Variants in FOXP1 observed in about 807,000 individuals in gnomAD.
The protein encoded by FOXP1 is forkhead box P1.
A neutral mutation model predicts 98.2 loss-of-function variants in FOXP1; 15 were observed. That is an observed-to-expected ratio of 0.15 (90% CI 0.10 to 0.24). The LOEUF is 0.24. FOXP1 is among the 10% of genes least tolerant of loss of function. The pLI is 1.00. For missense variants in FOXP1, 633 were observed against 848.5 expected, an observed-to-expected ratio of 0.75 and a Z score of 3.15; for synonymous variants, 371 against 314.5, an observed-to-expected ratio of 1.18 and a Z score of -1.90.
At chr3:71,243,825 T>C (rs1033680911) in intron 5 of FOXP1, among the ~76,000 whole-genome samples, 2 of 152,204 alleles carry the variant, frequency 1.3e-5, no homozygotes, top group African/African-American at 4.8e-5. Context: ...CTTTACTCTT[T>C]CTATTGTATT....
intron 5 of FOXP1, among the ~76,000 whole-genome samples, chr3:71,271,166 G>A (rs112492357): frequency 0.067 from 10,247 of 152,206 alleles, 1,137 homozygotes; most frequent in African/African-American, 0.23. Flanking sequence ...GGAGGTGGAG[G>A]TTGCACTGAG....
intron 7 of FOXP1, among the ~76,000 whole-genome samples, chr3:71,073,685 T>G (rs75719836): frequency 0.013 from 1,984 of 152,344 alleles, 49 homozygotes; most frequent in African/African-American, 0.045. Flanking sequence ...TGTCAACTTC[T>G]AAATTAATGT....
chr3:71,414,585 T>C (rs1321878892), intron 3 of FOXP1, among the ~76,000 whole-genome samples: 4 of 152,222 alleles, frequency 2.6e-5, no homozygotes, highest in Non-Finnish European at 5.9e-5. Flanking sequence ...ATAAAGGGAA[T>C]TGCCTCTGCT....
At chr3:71,481,987 A>C (rs973398410) in intron 3 of FOXP1, among the ~76,000 whole-genome samples, 2 of 152,090 alleles carry the variant, frequency 1.3e-5, no homozygotes, top group Non-Finnish European at 2.9e-5. Context: ...AAAAGATTTA[A>C]ATCTCCAGCA....
At chr3:71,241,545 G>A (rs893515955) in intron 5 of FOXP1, among the ~76,000 whole-genome samples, 12 of 152,242 alleles carry the variant, frequency 7.9e-5, no homozygotes, top group East Asian at 3.9e-4. Flanking sequence ...ATCTTCTGTC[G>A]TGCATTATTG....
intron 17 of FOXP1, among the ~76,000 whole-genome samples, chr3:70,974,599 T>A (rs1393615840): frequency 1.3e-5 from 2 of 152,288 alleles, no homozygotes; most frequent in East Asian, 1.9e-4. Flanking sequence ...GGCTGCATTT[T>A]AAAAAAATAT....
At chr3:71,397,422 G>A (rs2081609155) in intron 3 of FOXP1, among the ~76,000 whole-genome samples, 1 of 152,154 alleles carries the variant, frequency 6.6e-6, no homozygotes. Context: ...GTGATATCCT[G>A]AATGTAGGTA....
intron 6 of FOXP1, among the ~76,000 whole-genome samples, chr3:71,146,318 T>G (rs1289643800): frequency 6.6e-6 from 1 of 152,200 alleles, no homozygotes; most frequent in East Asian, 1.9e-4. Flanking sequence ...TGCCCAAACA[T>G]GGACCTCCTT....
intron 3 of FOXP1, among the ~76,000 whole-genome samples, chr3:71,486,507 A>T (rs751686052): frequency 5.9e-5 from 9 of 152,192 alleles, no homozygotes; most frequent in Non-Finnish European, 1.2e-4. Context: ...AGTCAACCGT[A>T]TCATCCTATT....
chr3:71,568,380 C>T (rs970174941), intron 2 of FOXP1, among the ~76,000 whole-genome samples: 2 of 151,492 alleles, frequency 1.3e-5, no homozygotes, highest in East Asian at 1.9e-4. Context: ...AGAGGAAGAA[C>T]CCTTGGTGCA....
chr3:71,493,288 G>C (rs1180796553), intron 3 of FOXP1, 138 bp downstream of exon 3: 3 of 152,162 alleles, frequency 2.0e-5, no homozygotes, highest in Admixed American at 2.0e-4. Flanking sequence ...TATCTGAAAA[G>C]ATTACACCAG....
chr3:71,188,576 C>A (rs1396850424), intron 6 of FOXP1, among the ~76,000 whole-genome samples: 1 of 152,064 alleles, frequency 6.6e-6, no homozygotes, highest in East Asian at 1.9e-4. Context: ...TGCCAACACG[C>A]CCGGCTAATT....
intron 6 of FOXP1, among the ~76,000 whole-genome samples, chr3:71,127,652 T>C (rs2059307470): frequency 6.6e-6 from 1 of 152,168 alleles, no homozygotes; most frequent in Admixed American, 6.5e-5. Flanking sequence ...GATCTCTAGA[T>C]CACAGCGCTT....
chr3:71,121,277 G>A (rs973661062), intron 6 of FOXP1, among the ~76,000 whole-genome samples: 6 of 150,664 alleles, frequency 4.0e-5, no homozygotes, highest in South Asian at 2.1e-4. Flanking sequence ...CCCTGTATCC[G>A]CTTGCAATTA....
intron 7 of FOXP1, among the ~76,000 whole-genome samples, chr3:71,085,755 G>A (rs995321829): frequency 1.3e-3 from 1 of 788 alleles, no homozygotes; most frequent in African/African-American, 2.5e-3. Context: ...TTTTTACATG[G>A]AGTCTCACTG....
At chr3:71,472,581 T>C (rs989706220) in intron 3 of FOXP1, among the ~76,000 whole-genome samples, 10 of 152,170 alleles carry the variant, frequency 6.6e-5, no homozygotes, top group Non-Finnish European at 1.2e-4. Context: ...CTTCTTATTC[T>C]GCCCAGCATC....
intron 2 of FOXP1, among the ~76,000 whole-genome samples, chr3:71,530,120 T>G (rs1028198584): frequency 1.3e-5 from 2 of 152,128 alleles, no homozygotes; most frequent in African/African-American, 4.8e-5. Context: ...AACTGGTTAG[T>G]GCTATGGTTT....
chr3:71,478,666 C>G (rs2090040845), intron 3 of FOXP1, among the ~76,000 whole-genome samples: 1 of 152,172 alleles, frequency 6.6e-6, no homozygotes, highest in African/African-American at 2.4e-5. Context: ...GCACTGAAAA[C>G]CAGAGAACCT....
In FOXP1 at chr3:70,970,806, C is replaced by CTGTGTAAGAAAAACATAA. The variant is rs763223371; in HGVS notation, c.1653-19_1653-2dup. ...CATGTTTTTAATAAGGGAAGGGTTACTGTGTAAGAAAAACATAAAAACTCA... is the reference window on the plus strand; with the variant it reads ...CATGTTTTTAATAAGGGAAGGGTTACTGTGTAAGAAAAACATAATGTGTAAGAAAAACATAAAAACTCA... On this transcript the variant is annotated splice_acceptor_variant, in intron 18 of 20. Transcript: ENST00000649528. LOFTEE classifies it high-confidence loss of function. 33 of 1,611,474 alleles carry CTGTGTAAGAAAAACATAA rather than the reference C, an allele frequency of 2.0e-5. 1 individual carries two copies. The South Asian group carries it at 3.6e-4, about 18-fold the overall frequency.
Sources: gnomAD v4.1 joint callset for allele counts (sites outside exome capture counted in the v4.1 genomes callset) on GRCh38, gnomAD v4.1.1 for gene constraint, MANE v1.5 for transcripts, NCBI Gene and HGNC (gene_info 2026-07-23, HGNC 2026-07-21) for gene names.